The following SGCZ variants were observed in gnomAD, a reference collection of about 807,000 sequenced individuals.
The protein encoded by SGCZ is sarcoglycan zeta, also known as zeta-sarcoglycan.
SGCZ carries 40 observed loss-of-function variants against 41.3 expected under a neutral mutation model. The ratio of observed to expected loss-of-function variants is 0.97; its 90% CI spans 0.75 to 1.26. The LOEUF (loss-of-function observed/expected upper bound fraction) is 1.26, where lower values mean the gene tolerates loss of function less well. Among genes scored for constraint, SGCZ ranks in the 50% most tolerant of loss-of-function variants. The pLI is 0.00. For synonymous variants in SGCZ, 206 were observed against 137.5 expected (o/e 1.50, Z -3.49); for missense variants, 552 against 369.8 (o/e 1.49, Z -4.04).
intron 2 of SGCZ, among the ~76,000 whole-genome samples, chr8:14,500,117 T>G (rs1802107039): frequency 6.6e-6 from 1 of 152,130 alleles, no homozygotes; most frequent in African/African-American, 2.4e-5. Flanking sequence ...TAACTCACAA[T>G]CATTAAACTT....
At chr8:14,862,915 G>A (rs1462228558) in intron 1 of SGCZ, among the ~76,000 whole-genome samples, 2 of 152,032 alleles carry the variant, frequency 1.3e-5, no homozygotes, top group Non-Finnish European at 2.9e-5. Context: ...CTTTTGAGAA[G>A]CAGCTCGTTC....
intron 1 of SGCZ, among the ~76,000 whole-genome samples, chr8:15,164,267 T>C (rs1799590948): frequency 1.3e-5 from 2 of 152,188 alleles, no homozygotes; most frequent in Non-Finnish European, 2.9e-5. Flanking sequence ...CTGTTGCTTC[T>C]ACGCCTTTTC....
At chr8:14,647,216 A>G (rs912120643) in intron 1 of SGCZ, among the ~76,000 whole-genome samples, 1 of 152,018 alleles carries the variant, frequency 6.6e-6, no homozygotes, top group African/African-American at 2.4e-5. Flanking sequence ...CTGGACTGAT[A>G]AACAGAAAAA....
At chr8:15,055,307 T>C (rs1804665505) in intron 1 of SGCZ, among the ~76,000 whole-genome samples, 1 of 152,194 alleles carries the variant, frequency 6.6e-6, no homozygotes, top group African/African-American at 2.4e-5. Flanking sequence ...ACATAAATTC[T>C]CAGAAAATAT....
chr8:14,274,625 G>A (rs1170020303), intron 3 of SGCZ, among the ~76,000 whole-genome samples: 1 of 151,984 alleles, frequency 6.6e-6, no homozygotes, highest in African/African-American at 2.4e-5. Context: ...GTCCAGATAC[G>A]AGCTTATGGT....
intron 1 of SGCZ, among the ~76,000 whole-genome samples, chr8:14,639,301 T>G (rs886664264): frequency 6.6e-5 from 10 of 151,666 alleles, no homozygotes; most frequent in Non-Finnish European, 1.0e-4. Context: ...ACTAATATAT[T>G]ATTCCTGAGA....
intron 1 of SGCZ, among the ~76,000 whole-genome samples, chr8:15,203,189 T>C (rs1354635755): frequency 6.6e-6 from 1 of 152,210 alleles, no homozygotes; most frequent in Non-Finnish European, 1.5e-5. Flanking sequence ...TGCCTCGGTA[T>C]CTTTTCTGGA....
chr8:14,172,251 TA>T (rs1804405897), intron 4 of SGCZ, among the ~76,000 whole-genome samples: 1 of 152,178 alleles, frequency 6.6e-6, no homozygotes, highest in Non-Finnish European at 1.5e-5. Flanking sequence ...TTAATTACTG[TA>T]ATCACCTACA....
At chr8:15,194,416 C>A (rs926004214) in intron 1 of SGCZ, among the ~76,000 whole-genome samples, 2 of 152,068 alleles carry the variant, frequency 1.3e-5, no homozygotes, top group East Asian at 3.9e-4. Context: ...AATAATATTC[C>A]CCCATACACA....
chr8:14,492,638 C>T (rs1347655489), intron 2 of SGCZ, among the ~76,000 whole-genome samples: 1 of 152,152 alleles, frequency 6.6e-6, no homozygotes, highest in Non-Finnish European at 1.5e-5. Context: ...TTTCTTGAGT[C>T]TAGTACAAGT....
intron 1 of SGCZ, among the ~76,000 whole-genome samples, chr8:14,902,652 T>C (rs1799004304): frequency 6.6e-6 from 1 of 152,130 alleles, no homozygotes; most frequent in Non-Finnish European, 1.5e-5. Context: ...AGTTGTCTAT[T>C]GAAATTAGCC....
chr8:14,123,058 G>C (rs1332331907), intron 5 of SGCZ, among the ~76,000 whole-genome samples: 1 of 152,190 alleles, frequency 6.6e-6, no homozygotes, highest in African/African-American at 2.4e-5. Flanking sequence ...CTGTCACCAA[G>C]TGTTGAAAAG....
chr8:14,325,752 ATATAT>A (rs1802080147), intron 2 of SGCZ, among the ~76,000 whole-genome samples: 1 of 4,456 alleles, frequency 2.2e-4, no homozygotes, highest in Admixed American at 2.1e-3. Flanking sequence ...ACACACATAT[ATATAT>A]ATATATATAT....
In SGCZ at chr8:14,766,183, G is replaced by A. The variant is rs112721399; in HGVS notation, c.40-211257C>T. On this transcript the variant is annotated intron_variant, in intron 1 of 7. Coordinates refer to ENST00000382080, the MANE Select transcript of SGCZ (RefSeq NM_139167.4). Reference sequence around the variant, plus strand: ...CCATGTTGGCCAGGCTGGCCTTGAAGTCCTGACCTCAGGTGATCCGCCCGC... The same window carrying A: ...CCATGTTGGCCAGGCTGGCCTTGAAATCCTGACCTCAGGTGATCCGCCCGC... 4.3e-3 allele frequency among the ~76,000 whole-genome samples: 660 copies of A among 151,962 alleles called. 8 individuals are homozygous for A. Among genetic ancestry groups the A allele is most frequent in the African/African-American group, 0.015 (627 of 41,476 alleles).
intron 1 of SGCZ, among the ~76,000 whole-genome samples, chr8:14,884,041 C>T (rs1401225200): frequency 6.6e-6 from 1 of 151,964 alleles, no homozygotes. Context: ...GTTTTGTCAT[C>T]CTTAAATTTC....
At chr8:15,161,161 A>T (rs930586569) in intron 1 of SGCZ, among the ~76,000 whole-genome samples, 1 of 151,936 alleles carries the variant, frequency 6.6e-6, no homozygotes, top group African/African-American at 2.4e-5. Flanking sequence ...CTGTGGGTCC[A>T]ACCCCATTGA....
intron 1 of SGCZ, among the ~76,000 whole-genome samples, chr8:14,766,442 T>C (rs549098551): frequency 2.3e-4 from 35 of 152,280 alleles, no homozygotes; most frequent in African/African-American, 7.0e-4. Flanking sequence ...GATAGGATTA[T>C]ATCTTCAAGA....
At chr8:14,926,818 T>C (rs1799767817) in intron 1 of SGCZ, among the ~76,000 whole-genome samples, 1 of 151,896 alleles carries the variant, frequency 6.6e-6, no homozygotes, top group Non-Finnish European at 1.5e-5. Flanking sequence ...TTTTTTTACT[T>C]TTAGTAGAGA....
At chr8:14,259,837 A>G (rs554695646) in intron 3 of SGCZ, among the ~76,000 whole-genome samples, 2 of 150,868 alleles carry the variant, frequency 1.3e-5, no homozygotes, top group African/African-American at 4.9e-5. Context: ...GTTTTTTCCA[A>G]TTCTGTGAAG....
Sources: allele counts gnomAD v4.1 joint callset (sites outside exome capture counted in the v4.1 genomes callset), GRCh38; gene constraint gnomAD v4.1.1; transcripts MANE v1.5; gene names NCBI Gene and HGNC (gene_info 2026-07-23, HGNC 2026-07-21).